The following GRIK1 variants were observed in gnomAD, a reference collection of about 807,000 sequenced individuals.
GRIK1 encodes the protein glutamate receptor ionotropic, kainate 1.
Under a neutral mutation model 105.7 loss-of-function variants are expected in GRIK1, and 69 were observed. The observed-to-expected ratio is 0.65, with a 90% CI of 0.54 to 0.80. The LOEUF (loss-of-function observed/expected upper bound fraction) is 0.80. Ranked by LOEUF, GRIK1 falls within the 30% of genes least tolerant of loss-of-function variation. The probability of loss-of-function intolerance (pLI) is 0.00; values close to 1 mark genes in which losing one functional copy is unlikely to be tolerated. For missense variants in GRIK1, 1,109 were observed against 1,167.3 expected (o/e 0.95, Z 0.73); for synonymous variants, 438 against 431.3 (o/e 1.02, Z -0.19).
intron 7 of GRIK1, among the ~76,000 whole-genome samples, chr21:29,623,565 T>TTTA (rs1263252902): frequency 6.6e-6 from 1 of 152,202 alleles, no homozygotes; most frequent in African/African-American, 2.4e-5. Flanking sequence ...TTGTGTTTAT[T>TTTA]TTATCTTCCT....
At chr21:29,853,142 A>G (rs1291364794) in intron 1 of GRIK1, among the ~76,000 whole-genome samples, 3 of 152,222 alleles carry the variant, frequency 2.0e-5, no homozygotes, top group African/African-American at 7.2e-5. Flanking sequence ...ATTTTATGTT[A>G]TCTTTAACAC....
At chr21:29,683,465 TC>T (rs1406233835) in intron 3 of GRIK1, among the ~76,000 whole-genome samples, 9 of 152,222 alleles carry the variant, frequency 5.9e-5, no homozygotes, top group Non-Finnish European at 8.8e-5. Flanking sequence ...TAAGCTCATG[TC>T]CTTTGCAGCA....
At chr21:29,887,882 TG>T (rs1223086433) in intron 1 of GRIK1, among the ~76,000 whole-genome samples, 1 of 151,770 alleles carries the variant, frequency 6.6e-6, no homozygotes, top group Non-Finnish European at 1.5e-5. Flanking sequence ...ACTGGGAAAA[TG>T]AGTATCCCTC....
intron 1 of GRIK1, among the ~76,000 whole-genome samples, chr21:29,761,036 A>G (rs1356510026): frequency 1.3e-5 from 2 of 152,216 alleles, no homozygotes. Context: ...TGCTGATCAC[A>G]AGGGCAATAC....
At position 29,619,863 on chromosome 21, in the gene GRIK1, C is replaced by A. The variant is rs138697820; in HGVS notation, c.1099-20926G>T. Among the ~76,000 whole-genome samples, 408 of 152,246 alleles carry A rather than the reference C, an allele frequency of 2.7e-3. 2 individuals carry two copies. Among genetic ancestry groups the A allele is most frequent in the African/African-American group, 9.2e-3 (381 of 41,558 alleles). ...CTTTACCAGGGACAAGTTGATCAAA[C>A]CAACTGAGGTCTATTTTGCCATTTG... On this transcript the variant is annotated intron_variant, in intron 7 of 17. Coordinates refer to ENST00000327783, the MANE Select transcript of GRIK1 (RefSeq NM_001330994.2).
At chr21:29,861,490 T>G (rs1011750221) in intron 1 of GRIK1, among the ~76,000 whole-genome samples, 1 of 152,032 alleles carries the variant, frequency 6.6e-6, no homozygotes, top group Admixed American at 6.5e-5. Context: ...ATTTTTTTTG[T>G]AGAGACAGGG....
chr21:29,570,027 T>C (rs2090703979), intron 14 of GRIK1, among the ~76,000 whole-genome samples: 1 of 152,166 alleles, frequency 6.6e-6, no homozygotes, highest in Non-Finnish European at 1.5e-5. Context: ...TTGCATCTCC[T>C]AAGATGCTGG....
chr21:29,876,984 GC>G lies in GRIK1; in HGVS notation c.118+62398del, dbSNP rs374829213. Among the ~76,000 whole-genome samples, 25 of 152,166 alleles carry G rather than the reference GC, an allele frequency of 1.6e-4. No individual in the cohort carries two copies. In the South Asian group the frequency reaches 3.5e-3, roughly 21 times the overall value. ...ATAAAATGAGTTCCAAAAATAAGAG[GC>G]TTAAACACAAAATGACAGCTCAAAA... On this transcript the variant is annotated intron_variant, in intron 1 of 17. Coordinates refer to ENST00000327783, the MANE Select transcript of GRIK1 (RefSeq NM_001330994.2).
chr21:29,805,626 AATCACCAACAC>A (rs1193931226), intron 1 of GRIK1, among the ~76,000 whole-genome samples: 1 of 152,164 alleles, frequency 6.6e-6, no homozygotes, highest in Non-Finnish European at 1.5e-5. Context: ...TCAATAAAGC[AATCACCAACAC>A]ACATATTTGC....
intron 4 of GRIK1, among the ~76,000 whole-genome samples, chr21:29,662,655 A>T (rs752715885): frequency 6.6e-5 from 10 of 152,100 alleles, no homozygotes; most frequent in Non-Finnish European, 1.2e-4. Flanking sequence ...TTAAATGGTG[A>T]TCTTGCTGGT....
intron 1 of GRIK1, among the ~76,000 whole-genome samples, chr21:29,911,827 C>A (rs527822497): frequency 6.6e-6 from 1 of 152,066 alleles, no homozygotes; most frequent in Admixed American, 6.6e-5. Flanking sequence ...TGATCTTGGA[C>A]TTCCCAGCCT....
At chr21:29,890,369 T>G (rs1039181018) in intron 1 of GRIK1, among the ~76,000 whole-genome samples, 1 of 152,154 alleles carries the variant, frequency 6.6e-6, no homozygotes, top group Non-Finnish European at 1.5e-5. Context: ...CAGAAACTTC[T>G]TTTCAAGTGC....
At chr21:29,912,952 A>G (rs2070870072) in intron 1 of GRIK1, among the ~76,000 whole-genome samples, 1 of 152,118 alleles carries the variant, frequency 6.6e-6, no homozygotes. Flanking sequence ...AAGAATCCAG[A>G]AATAACATTC....
At chr21:29,833,778 C>T (rs1449111095) in intron 1 of GRIK1, among the ~76,000 whole-genome samples, 1 of 152,090 alleles carries the variant, frequency 6.6e-6, no homozygotes. Context: ...CACACACACA[C>T]TCTCTCAACA....
chr21:29,913,906 A>G (rs2070906026), intron 1 of GRIK1, among the ~76,000 whole-genome samples: 1 of 152,094 alleles, frequency 6.6e-6, no homozygotes, highest in African/African-American at 2.4e-5. Flanking sequence ...TTCAGTACTT[A>G]GGATATACAC....
intron 7 of GRIK1, among the ~76,000 whole-genome samples, chr21:29,618,179 A>C (rs530727761): frequency 2.6e-5 from 4 of 152,264 alleles, no homozygotes; most frequent in Admixed American, 2.6e-4. Context: ...GTTTCCTGCA[A>C]TTATCCCTAT....
At chr21:29,600,286 C>T (rs1338376191) in intron 7 of GRIK1, among the ~76,000 whole-genome samples, 1 of 152,044 alleles carries the variant, frequency 6.6e-6, no homozygotes, top group Non-Finnish European at 1.5e-5. Context: ...TTGAGGGTGC[C>T]GGTCTTCTTC....
chr21:29,710,785 CTCCCTCCTTCCTTCCTTCCT>C (rs1396274559), intron 1 of GRIK1, among the ~76,000 whole-genome samples: 1,510 of 48,966 alleles, frequency 0.031, 21 homozygotes, highest in South Asian at 0.052. Flanking sequence ...CCCTCCCTCC[CTCCCTCCTTCCTTCCTTCCT>C]TCCTTCCTTC....
intron 1 of GRIK1, among the ~76,000 whole-genome samples, chr21:29,708,721 G>C (rs1331194387): frequency 6.6e-6 from 1 of 152,212 alleles, no homozygotes; most frequent in Admixed American, 6.5e-5. Context: ...CGTTGGAGCA[G>C]AGCCTGCAAC....
Sources: gnomAD v4.1 joint callset for allele counts (sites outside exome capture counted in the v4.1 genomes callset) on GRCh38, gnomAD v4.1.1 for gene constraint, MANE v1.5 for transcripts, NCBI Gene and HGNC (gene_info 2026-07-23, HGNC 2026-07-21) for gene names.